CCDC192: variants seen among roughly 807,000 people sequenced by gnomAD.
CCDC192 encodes coiled-coil domain-containing protein 192.
intron 5 of CCDC192, among the ~76,000 whole-genome samples, chr5:127,858,944 AAAC>A (rs1242228178): frequency 2.0e-5 from 3 of 152,244 alleles, no homozygotes; most frequent in East Asian, 3.9e-4. Flanking sequence ...TTATAAAAAA[AAAC>A]ACTGTCACAT....
chr5:127,841,125 G>C (rs1018726671), intron 5 of CCDC192, among the ~76,000 whole-genome samples: 1 of 152,330 alleles, frequency 6.6e-6, no homozygotes, highest in African/African-American at 2.4e-5. Flanking sequence ...AAAAGGAACT[G>C]TTAGCAGAAA....
At chr5:127,878,984 C>T (rs1255835727) in intron 6 of CCDC192, among the ~76,000 whole-genome samples, 1 of 148,158 alleles carries the variant, frequency 6.7e-6, no homozygotes, top group Non-Finnish European at 1.5e-5. Context: ...AATGGGAGTT[C>T]ACTCATGATT....
At chr5:127,867,507 A>G (rs375562660) in intron 5 of CCDC192, among the ~76,000 whole-genome samples, 10 of 152,160 alleles carry the variant, frequency 6.6e-5, no homozygotes, top group African/African-American at 2.2e-4. Context: ...ATACTATACC[A>G]ACAACTGTAG....
At chr5:127,912,999 T>C (rs1253955475) in intron 6 of CCDC192, among the ~76,000 whole-genome samples, 1 of 152,210 alleles carries the variant, frequency 6.6e-6, no homozygotes, top group African/African-American at 2.4e-5. Flanking sequence ...CCATGCCCTA[T>C]TGACAGCTAG....
chr5:127,815,695 G>A (rs557906216), intron 5 of CCDC192, among the ~76,000 whole-genome samples: 4 of 151,990 alleles, frequency 2.6e-5, no homozygotes, highest in African/African-American at 4.8e-5. Context: ...GTGAAATCCC[G>A]TCTCTACTAA....
At chr5:127,728,989 C>T (rs1430692093) in intron 2 of CCDC192, among the ~76,000 whole-genome samples, 1 of 152,086 alleles carries the variant, frequency 6.6e-6, no homozygotes, top group African/African-American at 2.4e-5. Flanking sequence ...TCACTGCAGT[C>T]TCTGCCTTCT....
At chr5:127,819,215 T>G (rs1238265983) in intron 5 of CCDC192, among the ~76,000 whole-genome samples, 16 of 152,178 alleles carry the variant, frequency 1.1e-4, no homozygotes, top group Admixed American at 1.0e-3. Context: ...GGGTACACGC[T>G]AAGGCAACTA....
chr5:127,806,505 T>A (rs2126990094), intron 5 of CCDC192, among the ~76,000 whole-genome samples: 1 of 152,316 alleles, frequency 6.6e-6, no homozygotes, highest in African/African-American at 2.4e-5. Context: ...TATAAATACC[T>A]ATTAGCTAAC....
At chr5:127,790,133 T>G (rs1756782904) in intron 3 of CCDC192, among the ~76,000 whole-genome samples, 1 of 152,082 alleles carries the variant, frequency 6.6e-6, no homozygotes, top group African/African-American at 2.4e-5. Flanking sequence ...GAGGGCAGAG[T>G]ATCAAACCAA....
intron 3 of CCDC192, among the ~76,000 whole-genome samples, chr5:127,771,035 A>G (rs1438857050): frequency 6.6e-6 from 1 of 152,174 alleles, no homozygotes; most frequent in Non-Finnish European, 1.5e-5. Flanking sequence ...TCTTTCAATT[A>G]TATTATCTCA....
chr5:127,729,432 C>T (rs1035658921), intron 2 of CCDC192, among the ~76,000 whole-genome samples: 1 of 152,202 alleles, frequency 6.6e-6, no homozygotes, highest in African/African-American at 2.4e-5. Context: ...TGAGACCACA[C>T]TGTCAATATT....
In CCDC192 at chr5:127,899,468, T is replaced by C. The variant is rs111881566; in HGVS notation, c.535+23807T>C. On this transcript the variant is annotated intron_variant, in intron 6 of 6. Transcript: ENST00000514853. ...CTGGCTTAATCATAAAGCCTCAAGG[T>C]TGGCAAGCCAGAGGGCCTGCTCCTG... Among the ~76,000 whole-genome samples, 42 of 151,906 alleles carry C rather than the reference T, an allele frequency of 2.8e-4. 1 individual carries two copies. Among genetic ancestry groups the C allele is most frequent in the African/African-American group, 9.4e-4 (39 of 41,394 alleles).
At chr5:127,872,423 A>G (rs572008138) in intron 5 of CCDC192, among the ~76,000 whole-genome samples, 1 of 152,324 alleles carries the variant, frequency 6.6e-6, no homozygotes, top group East Asian at 1.9e-4. Context: ...CAACTGTACC[A>G]ACCCTGGAGG....
chr5:127,781,020 G>A (rs1033841006), intron 3 of CCDC192, among the ~76,000 whole-genome samples: 1 of 152,102 alleles, frequency 6.6e-6, no homozygotes, highest in African/African-American at 2.4e-5. Flanking sequence ...GGTAAGAGAT[G>A]AAGATCTAGT....
intron 3 of CCDC192, among the ~76,000 whole-genome samples, chr5:127,770,347 G>A (rs192367816): frequency 1.7e-3 from 255 of 152,274 alleles, no homozygotes; most frequent in African/African-American, 5.1e-3. Flanking sequence ...ACCTGAAACT[G>A]GAATTTAGTA....
intron 6 of CCDC192, among the ~76,000 whole-genome samples, chr5:127,891,891 A>T (rs1397904052): frequency 6.6e-6 from 1 of 152,220 alleles, no homozygotes; most frequent in Non-Finnish European, 1.5e-5. Context: ...TAGGTTACCT[A>T]ACAATTTTTG....
rs141399607 is a variant in CCDC192 at position 127,814,261 on chromosome 5, G to A, written c.411+16099G>A. Among the ~76,000 whole-genome samples the A allele has an allele frequency of 7.3e-3, 1,108 of 152,238 alleles. 14 individuals are homozygous for A. Among genetic ancestry groups the A allele is most frequent in the African/African-American group, 0.025 (1,044 of 41,540 alleles). ...ATAGTCGGAAATCAGAATAGGAGGC[G>A]TTATTCTTCTTTGTGGAATTGCTAA... On this transcript the variant is annotated intron_variant, in intron 5 of 6. Transcript: ENST00000514853.
chr5:127,781,676 T>C (rs1281538995), intron 3 of CCDC192, among the ~76,000 whole-genome samples: 2 of 152,084 alleles, frequency 1.3e-5, no homozygotes, highest in Non-Finnish European at 2.9e-5. Context: ...CTGATTTGTG[T>C]ACACTAATTT....
chr5:127,787,571 T>C (rs554548207), intron 3 of CCDC192, among the ~76,000 whole-genome samples: 1 of 152,352 alleles, frequency 6.6e-6, no homozygotes, highest in South Asian at 2.1e-4. Flanking sequence ...AGCTTTATTC[T>C]CTATTGTTGT....
Sources: gnomAD v4.1 joint callset for allele counts (sites outside exome capture counted in the v4.1 genomes callset) on GRCh38, gnomAD v4.1.1 for gene constraint, MANE v1.5 for transcripts, NCBI Gene and HGNC (gene_info 2026-07-23, HGNC 2026-07-21) for gene names.